PTPRD: variants seen among roughly 807,000 people sequenced by gnomAD.
PTPRD encodes the protein receptor-type tyrosine-protein phosphatase delta.
Under a neutral mutation model 214.5 loss-of-function variants are expected in PTPRD, and 34 were observed. The ratio of observed to expected loss-of-function variants is 0.16; its 90% CI spans 0.12 to 0.21. The LOEUF is 0.21. Ranked by LOEUF, PTPRD falls within the 10% of genes least tolerant of loss-of-function variation. PTPRD has a pLI of 1.00. For synonymous variants in PTPRD, 1,128 were observed against 845.7 expected, an observed-to-expected ratio of 1.33 and a Z score of -5.79; for missense variants, 2,545 against 2,398.7, an observed-to-expected ratio of 1.06 and a Z score of -1.27.
intron 9 of PTPRD, among the ~76,000 whole-genome samples, chr9:9,263,593 A>G (rs1211175607): frequency 6.6e-6 from 1 of 151,598 alleles, no homozygotes; most frequent in Non-Finnish European, 1.5e-5. Flanking sequence ...TAAATATCCA[A>G]TTTTCCCTGA....
chr9:9,219,464 C>A (rs1470554609), intron 9 of PTPRD, among the ~76,000 whole-genome samples: 3 of 151,796 alleles, frequency 2.0e-5, no homozygotes, highest in Non-Finnish European at 4.4e-5. Context: ...AAAGACATGT[C>A]CTTAAACATT....
intron 3 of PTPRD, among the ~76,000 whole-genome samples, chr9:10,236,246 A>G (rs10756010): frequency 0.39 from 59,794 of 151,496 alleles, 13,465 homozygotes; most frequent in Admixed American, 0.5. Flanking sequence ...CAAGTTTGAT[A>G]CAGATTTAAT....
intron 4 of PTPRD, among the ~76,000 whole-genome samples, chr9:9,947,346 AATATATATT>A (rs1216510491): frequency 2.7e-4 from 12 of 43,688 alleles, no homozygotes; most frequent in Non-Finnish European, 3.5e-4. Context: ...TTATATATAT[AATATATATT>A]ATATATATTA....
chr9:8,399,732 G>A (rs1257218004), intron 36 of PTPRD, among the ~76,000 whole-genome samples: 2 of 152,094 alleles, frequency 1.3e-5, no homozygotes, highest in Non-Finnish European at 2.9e-5. Flanking sequence ...AGCCAAAAAG[G>A]CATCAGTTTT....
chr9:10,276,081 A>C (rs1009483410), intron 3 of PTPRD, among the ~76,000 whole-genome samples: 1 of 152,220 alleles, frequency 6.6e-6, no homozygotes, highest in African/African-American at 2.4e-5. Flanking sequence ...GGAGACACCT[A>C]ATCTTCTGAG....
intron 11 of PTPRD, among the ~76,000 whole-genome samples, chr9:8,875,674 CAAT>C (rs1484400176): frequency 5.3e-5 from 8 of 152,094 alleles, no homozygotes; most frequent in Non-Finnish European, 8.8e-5. Flanking sequence ...TTATTATGCT[CAAT>C]AATAAGCATC....
chr9:9,957,797 T>C (rs1029354262), intron 4 of PTPRD, among the ~76,000 whole-genome samples: 2 of 151,516 alleles, frequency 1.3e-5, no homozygotes, highest in Non-Finnish European at 2.9e-5. Context: ...ACTAAAAATC[T>C]ACAGTAATCC....
At chr9:8,498,984 G>C (rs1323355339) in intron 25 of PTPRD, among the ~76,000 whole-genome samples, 1 of 152,062 alleles carries the variant, frequency 6.6e-6, no homozygotes, top group East Asian at 1.9e-4. Context: ...ACTGCCCTAA[G>C]ATCAATACAA....
rs1248974563 is a variant in PTPRD, at chr9:9,788,514, G to C, written c.-367-21663C>G. ...TTGCAGTGAGCCGAGATCGGGCCAC[G>C]GCACTCCAGCCTGGGCAACAGTGAG... is the stretch of plus-strand genomic sequence containing the variant. On this transcript the variant is annotated intron_variant, in intron 5 of 45. Transcript: ENST00000381196. Among the ~76,000 whole-genome samples the C allele has an allele frequency of 5.2e-4, 77 of 147,606 alleles. 1 individual carries two copies. Among genetic ancestry groups the C allele is most frequent in the African/African-American group, 1.8e-3 (71 of 39,612 alleles).
At chr9:9,593,748 T>A (rs1313009848) in intron 7 of PTPRD, among the ~76,000 whole-genome samples, 2 of 152,162 alleles carry the variant, frequency 1.3e-5, no homozygotes, top group East Asian at 1.9e-4. Context: ...GGAAATGCAG[T>A]CATTTTTCAC....
chr9:9,482,086 T>C (rs2095437813), intron 8 of PTPRD, among the ~76,000 whole-genome samples: 1 of 151,982 alleles, frequency 6.6e-6, no homozygotes, highest in South Asian at 2.1e-4. Context: ...CCCTAGCAGT[T>C]CCCCGAGAAG....
intron 3 of PTPRD, among the ~76,000 whole-genome samples, chr9:10,084,192 A>C (rs781660787): frequency 3.3e-5 from 5 of 151,996 alleles, no homozygotes; most frequent in Non-Finnish European, 7.4e-5. Flanking sequence ...GTTAGAAAAA[A>C]TGATGAGTGA....
intron 7 of PTPRD, among the ~76,000 whole-genome samples, chr9:9,708,916 A>G (rs1194356295): frequency 6.6e-6 from 1 of 151,986 alleles, no homozygotes; most frequent in Non-Finnish European, 1.5e-5. Flanking sequence ...TTTCCCTTCC[A>G]TTTTGTTAAT....
intron 3 of PTPRD, among the ~76,000 whole-genome samples, chr9:10,259,271 G>A (rs1226816061): frequency 6.6e-6 from 1 of 152,082 alleles, no homozygotes; most frequent in Admixed American, 6.5e-5. Context: ...TGATCAGCCC[G>A]CCTCGGCCTC....
At chr9:9,103,783 C>A (rs1318240929) in intron 10 of PTPRD, among the ~76,000 whole-genome samples, 1 of 152,038 alleles carries the variant, frequency 6.6e-6, no homozygotes, top group Non-Finnish European at 1.5e-5. Context: ...GAGTTTGAGA[C>A]CAGCTTGGGC....
chr9:9,239,454 C>A (rs766036723), intron 9 of PTPRD, among the ~76,000 whole-genome samples: 1 of 151,998 alleles, frequency 6.6e-6, no homozygotes, highest in Non-Finnish European at 1.5e-5. Flanking sequence ...TAAATCGAAC[C>A]TAAGAGCAGA....
chr9:9,230,500 T>C (rs899996252), intron 9 of PTPRD, among the ~76,000 whole-genome samples: 23 of 152,216 alleles, frequency 1.5e-4, no homozygotes, highest in African/African-American at 4.8e-4. Context: ...CCCCAATTTA[T>C]AGCTAGTCCA....
intron 2 of PTPRD, among the ~76,000 whole-genome samples, chr9:10,498,233 G>A (rs1174998682): frequency 1.3e-5 from 2 of 151,906 alleles, no homozygotes; most frequent in Non-Finnish European, 2.9e-5. Flanking sequence ...AAAGAAAGGA[G>A]TCTCAATACA....
intron 2 of PTPRD, among the ~76,000 whole-genome samples, chr9:10,395,119 A>C (rs2154493117): frequency 6.6e-6 from 1 of 151,084 alleles, no homozygotes; most frequent in East Asian, 2.0e-4. Context: ...TTATTATTAT[A>C]CTTAAAGTTC....
Sources: gnomAD v4.1 joint callset for allele counts (sites outside exome capture counted in the v4.1 genomes callset) on GRCh38, gnomAD v4.1.1 for gene constraint, MANE v1.5 for transcripts, NCBI Gene and HGNC (gene_info 2026-07-23, HGNC 2026-07-21) for gene names.